MGAT4C: variants seen among roughly 807,000 people sequenced by gnomAD.
The protein encoded by MGAT4C is MGAT4 family member C, also known as alpha-1,3-mannosyl-glycoprotein 4-beta-N-acetylglucosaminyltransferase C.
In MGAT4C, 19 loss-of-function variants were observed where a neutral mutation model predicts 40.1. The ratio of observed to expected loss-of-function variants is 0.47; its 90% CI spans 0.33 to 0.70. The LOEUF is 0.70. Among genes scored for constraint, MGAT4C ranks in the 30% least tolerant of loss-of-function variants. The pLI is 0.02. For missense variants in MGAT4C, 491 were observed against 563.2 expected (o/e 0.87, Z 1.30); for synonymous variants, 181 against 187.1 (o/e 0.97, Z 0.27).
chr12:86,587,088 C>A (rs1487889210), intron 2 of MGAT4C, among the ~76,000 whole-genome samples: 2 of 151,916 alleles, frequency 1.3e-5, no homozygotes, highest in Non-Finnish European at 2.9e-5. Flanking sequence ...GGTTTTAGGT[C>A]TAACATTTAA....
chr12:86,391,754 G>C (rs1442286611), intron 3 of MGAT4C, among the ~76,000 whole-genome samples: 1 of 152,100 alleles, frequency 6.6e-6, no homozygotes, highest in African/African-American at 2.4e-5. Context: ...CAGCTACTCA[G>C]GAGGCTGAGG....
chr12:86,746,434 G>A (rs1951154244), intron 1 of MGAT4C, among the ~76,000 whole-genome samples: 1 of 151,496 alleles, frequency 6.6e-6, no homozygotes, highest in Non-Finnish European at 1.5e-5. Flanking sequence ...ATTACCCACT[G>A]TACTGGACTA....
intron 1 of MGAT4C, among the ~76,000 whole-genome samples, chr12:86,050,725 A>G (rs568527513): frequency 4.5e-4 from 68 of 152,102 alleles, no homozygotes; most frequent in Non-Finnish European, 7.5e-4. Flanking sequence ...CCTCCATTGG[A>G]ATTTCCACAT....
chr12:86,609,899 C>A (rs2136473012), intron 2 of MGAT4C, among the ~76,000 whole-genome samples: 1 of 152,084 alleles, frequency 6.6e-6, no homozygotes, highest in Non-Finnish European at 1.5e-5. Context: ...TTCCCTCCAA[C>A]TTTGACACTG....
At position 86,236,108 on chromosome 12, in the gene MGAT4C, C is replaced by T. The variant is rs538340698; in HGVS notation, c.-57+20131G>A. Among the ~76,000 whole-genome samples, 17 of 152,144 alleles carry T rather than the reference C, an allele frequency of 1.1e-4. No individual in the cohort carries two copies. The East Asian group carries it at 3.1e-3, about 28-fold the overall frequency. On this transcript the variant is annotated intron_variant, in intron 1 of 4. Transcript: ENST00000611864. Reference sequence around the variant, plus strand: ...GAGCACAGATATCCTACTGACATCACAGAAATACATGGTTCATGTGTCACT... The same window carrying T: ...GAGCACAGATATCCTACTGACATCATAGAAATACATGGTTCATGTGTCACT...
intron 2 of MGAT4C, among the ~76,000 whole-genome samples, chr12:86,001,018 A>T (rs73392044): frequency 0.01 from 1,572 of 152,232 alleles, 25 homozygotes; most frequent in African/African-American, 0.035. Flanking sequence ...TGGGAATTTC[A>T]ATGGCTCATA....
intron 4 of MGAT4C, among the ~76,000 whole-genome samples, chr12:86,262,659 A>C (rs923328372): frequency 1.3e-5 from 2 of 152,064 alleles, no homozygotes; most frequent in African/African-American, 4.8e-5. Context: ...GAGTACATTC[A>C]TATATAGATA....
chr12:86,443,318 T>C (rs888601936), intron 2 of MGAT4C, among the ~76,000 whole-genome samples: 2 of 152,320 alleles, frequency 1.3e-5, no homozygotes, highest in Admixed American at 1.3e-4. Flanking sequence ...TTAATGTGGA[T>C]GTTTTCTATT....
intron 2 of MGAT4C, chr12:86,599,500 T>C (rs1961681001): frequency 6.6e-6 from 1 of 152,202 alleles, no homozygotes; most frequent in East Asian, 1.9e-4. Flanking sequence ...GTACTTCATT[T>C]GATTTAGACT....
chr12:86,811,095 C>A (rs552629067), intron 1 of MGAT4C, among the ~76,000 whole-genome samples: 1 of 147,908 alleles, frequency 6.8e-6, no homozygotes, highest in African/African-American at 2.5e-5. Flanking sequence ...TAGAGATTTT[C>A]CTGTGGTCAT....
intron 2 of MGAT4C, among the ~76,000 whole-genome samples, chr12:86,487,850 T>C (rs988852526): frequency 1.4e-4 from 21 of 149,368 alleles, no homozygotes; most frequent in African/African-American, 5.4e-4. Flanking sequence ...TGTTTTTACA[T>C]AAATAAACAT....
chr12:86,018,490 T>C (rs73374404), intron 2 of MGAT4C, among the ~76,000 whole-genome samples: 25,731 of 152,146 alleles, frequency 0.17, 2,553 homozygotes, highest in African/African-American at 0.28. Flanking sequence ...TTTTACTTTG[T>C]TTTGTGGAAG....
chr12:86,295,790 G>A (rs1021805012), intron 4 of MGAT4C, among the ~76,000 whole-genome samples: 2 of 152,046 alleles, frequency 1.3e-5, no homozygotes, highest in African/African-American at 4.8e-5. Flanking sequence ...GTTCTCCAAG[G>A]CCCCACGAGA....
chr12:86,699,293 C>T (rs1360905565), intron 2 of MGAT4C, among the ~76,000 whole-genome samples: 1 of 152,096 alleles, frequency 6.6e-6, no homozygotes, highest in Admixed American at 6.6e-5. Flanking sequence ...AATCAATATG[C>T]TTTAGCAATA....
At chr12:86,093,731 A>AAAC (rs35399411) in intron 1 of MGAT4C, among the ~76,000 whole-genome samples, 6,747 of 149,464 alleles carry the variant, frequency 0.045, 222 homozygotes, top group African/African-American at 0.094. Context: ...CTCCGTCTAA[A>AAAC]AACAACAACA....
chr12:86,580,670 T>C (rs972767201), intron 2 of MGAT4C, among the ~76,000 whole-genome samples: 2 of 151,498 alleles, frequency 1.3e-5, no homozygotes, highest in Non-Finnish European at 3.0e-5. Context: ...AAACCTTGCA[T>C]CTTTTAATGT....
chr12:86,521,174 G>C (rs969840720), intron 2 of MGAT4C, among the ~76,000 whole-genome samples: 1 of 152,090 alleles, frequency 6.6e-6, no homozygotes, highest in Non-Finnish European at 1.5e-5. Context: ...TATTGCCTAG[G>C]TTGTCTTCAA....
intron 1 of MGAT4C, among the ~76,000 whole-genome samples, chr12:86,128,002 C>T (rs1292861079): frequency 2.0e-5 from 3 of 152,114 alleles, no homozygotes; most frequent in Non-Finnish European, 4.4e-5. Context: ...AAACCAGTAA[C>T]ACAATCGTTC....
intron 1 of MGAT4C, among the ~76,000 whole-genome samples, chr12:86,075,288 A>C (rs958335466): frequency 1.3e-5 from 2 of 152,040 alleles, no homozygotes; most frequent in Non-Finnish European, 2.9e-5. Context: ...TTAAAGTCCC[A>C]AAATGATCTC....
Sources: allele counts gnomAD v4.1 joint callset (sites outside exome capture counted in the v4.1 genomes callset), GRCh38; gene constraint gnomAD v4.1.1; transcripts MANE v1.5; gene names NCBI Gene and HGNC (gene_info 2026-07-23, HGNC 2026-07-21).